DTNA: variants seen among roughly 807,000 people sequenced by gnomAD.
DTNA encodes the protein dystrobrevin alpha.
A neutral mutation model predicts 100.7 loss-of-function variants in DTNA; 43 were observed. That is an observed-to-expected ratio of 0.43 (90% CI 0.33 to 0.55). The LOEUF (loss-of-function observed/expected upper bound fraction) is 0.55. DTNA is among the 20% of genes least tolerant of loss of function. The pLI is 0.04. For missense variants in DTNA, 798 were observed against 953.9 expected, an observed-to-expected ratio of 0.84 and a Z score of 2.15; for synonymous variants, 349 against 347.9, an observed-to-expected ratio of 1.00 and a Z score of -0.04.
intron 15 of DTNA, among the ~76,000 whole-genome samples, chr18:34,852,677 C>T (rs2096495570): frequency 1.3e-5 from 2 of 152,194 alleles, no homozygotes; most frequent in Non-Finnish European, 1.5e-5. Flanking sequence ...GCTCAGCACA[C>T]TCCCACCTCC....
At chr18:34,724,028 ATT>A (rs1314956796) in intron 1 of DTNA, among the ~76,000 whole-genome samples, 3 of 152,214 alleles carry the variant, frequency 2.0e-5, no homozygotes, top group Non-Finnish European at 4.4e-5. Context: ...TAGATATGTT[ATT>A]GTCAGTTTTT....
intron 1 of DTNA, among the ~76,000 whole-genome samples, chr18:34,555,665 T>C (rs1043314971): frequency 6.6e-6 from 1 of 152,212 alleles, no homozygotes; most frequent in African/African-American, 2.4e-5. Context: ...GGTTGTTCAG[T>C]TTCCATGTAG....
chr18:34,536,415 G>T (rs1172765888), intron 1 of DTNA, among the ~76,000 whole-genome samples: 2 of 151,718 alleles, frequency 1.3e-5, no homozygotes, highest in Admixed American at 6.6e-5. Context: ...TCTTATTCCC[G>T]GACCATCAAA....
chr18:34,563,773 A>G (rs2046844353), intron 1 of DTNA, among the ~76,000 whole-genome samples: 3 of 152,302 alleles, frequency 2.0e-5, no homozygotes, highest in Middle Eastern at 3.4e-3. Flanking sequence ...AAATTTAGAG[A>G]CACTAAACTA....
intron 1 of DTNA, among the ~76,000 whole-genome samples, chr18:34,749,786 TG>T: frequency 6.6e-6 from 1 of 152,222 alleles, no homozygotes; most frequent in East Asian, 1.9e-4. Context: ...TGTACTGTCA[TG>T]GGCTCATCTA....
At chr18:34,626,250 A>G (rs2057307965) in intron 1 of DTNA, among the ~76,000 whole-genome samples, 1 of 152,218 alleles carries the variant, frequency 6.6e-6, no homozygotes, top group Admixed American at 6.5e-5. Context: ...GTAAAATCTT[A>G]TAAGTAAGAC....
At chr18:34,583,212 GT>G (rs1290523871) in intron 1 of DTNA, among the ~76,000 whole-genome samples, 1 of 152,188 alleles carries the variant, frequency 6.6e-6, no homozygotes, top group East Asian at 1.9e-4. Context: ...CTAATTGAAT[GT>G]TGTACTTCAC....
At chr18:34,733,309 T>C (rs2088761205) in intron 1 of DTNA, among the ~76,000 whole-genome samples, 1 of 152,230 alleles carries the variant, frequency 6.6e-6, no homozygotes, top group East Asian at 1.9e-4. Context: ...TTCAAATTAG[T>C]CTTCTGTCCA....
At position 34,877,966 on chromosome 18, in the gene DTNA, T is replaced by G. The variant is rs186654627; in HGVS notation, c.1993+158T>G. Among the ~76,000 whole-genome samples the G allele has an allele frequency of 4.2e-3, 645 of 152,226 alleles. 3 individuals carry two copies. Among genetic ancestry groups the G allele is most frequent in the African/African-American group, 0.011 (461 of 41,550 alleles). ...TCTATTCAGATTTGAGGGGTTTTTT[T>G]TTTGTTTGTTTGTTTTTGGTTTTTT... On this transcript the variant is annotated intron_variant, in intron 19 of 22. Transcript: ENST00000444659.
At chr18:34,758,201 C>T (rs1024896673) in intron 2 of DTNA, among the ~76,000 whole-genome samples, 2 of 152,168 alleles carry the variant, frequency 1.3e-5, no homozygotes, top group Non-Finnish European at 2.9e-5. Context: ...AGACTGACAT[C>T]AAGATTCAAA....
intron 1 of DTNA, among the ~76,000 whole-genome samples, chr18:34,738,186 A>C (rs2089998963): frequency 6.6e-6 from 1 of 152,172 alleles, no homozygotes; most frequent in Non-Finnish European, 1.5e-5. Context: ...TTGGACATAC[A>C]AAGCCACTTT....
chr18:34,777,618 A>G (rs1391363886), intron 3 of DTNA, among the ~76,000 whole-genome samples: 1 of 152,174 alleles, frequency 6.6e-6, no homozygotes. Flanking sequence ...GAAACTTACA[A>G]TCATGGCAGA....
intron 1 of DTNA, among the ~76,000 whole-genome samples, chr18:34,508,586 G>A (rs2040727109): frequency 6.6e-6 from 1 of 152,170 alleles, no homozygotes; most frequent in Non-Finnish European, 1.5e-5. Flanking sequence ...TTTTATGATG[G>A]TGCTGAAATA....
intron 2 of DTNA, among the ~76,000 whole-genome samples, chr18:34,762,546 A>C (rs1042791406): frequency 1.3e-5 from 2 of 152,206 alleles, no homozygotes; most frequent in Non-Finnish European, 1.5e-5. Flanking sequence ...ACACATGTAA[A>C]ACTGGGTTAA....
At position 34,790,567 on chromosome 18, in the gene DTNA, A is replaced by ATT. The variant is rs1212453384; in HGVS notation, c.149-3449_149-3448dup. 9.8e-3 allele frequency among the ~76,000 whole-genome samples: 387 copies of ATT among 39,646 alleles called. 7 individuals are homozygous for ATT. Among genetic ancestry groups the ATT allele is most frequent in the South Asian group, 0.031 (22 of 716 alleles). The allele number at this position is 39,646 out of a possible 152,430, so 26.0% of individuals were successfully genotyped here. On this transcript the variant is annotated intron_variant, in intron 3 of 22. Transcript: ENST00000444659. ...CAGCATACTATATATATATATATAT[A>ATT]TTTTTTTTTTTTTTTTTTTTTTGAG...
At chr18:34,738,647 G>A (rs566146839) in intron 1 of DTNA, among the ~76,000 whole-genome samples, 11 of 152,166 alleles carry the variant, frequency 7.2e-5, no homozygotes, top group South Asian at 4.1e-4. Flanking sequence ...CTGCCGTCCC[G>A]ATGTGACAAA....
rs532752770 is a variant in DTNA, at chr18:34,497,236, A to C, written c.-2+3722A>C. On this transcript the variant is annotated intron_variant, in intron 1 of 19. Coordinates refer to the DTNA transcript ENST00000283365. ...TAGAACTTTAATTGATTTATCACACAGTCCCTGAGATTGTCTCAACTACCC... is the reference window on the plus strand; with the variant it reads ...TAGAACTTTAATTGATTTATCACACCGTCCCTGAGATTGTCTCAACTACCC... 6.6e-5 allele frequency among the ~76,000 whole-genome samples: 10 copies of C among 152,336 alleles called. No homozygotes were observed. The East Asian group carries it at 1.9e-3, about 29-fold the overall frequency.
chr18:34,802,150 T>G (rs1210549909), intron 4 of DTNA, among the ~76,000 whole-genome samples: 1 of 152,252 alleles, frequency 6.6e-6, no homozygotes, highest in African/African-American at 2.4e-5. Flanking sequence ...TCTGTGCACT[T>G]CCTGATGCTG....
intron 15 of DTNA, among the ~76,000 whole-genome samples, chr18:34,857,160 G>A (rs553157176): frequency 4.4e-4 from 67 of 152,196 alleles, no homozygotes; most frequent in African/African-American, 1.5e-3. Context: ...AGGATTCCCC[G>A]ATGGAATCAC....
Sources: allele counts gnomAD v4.1 joint callset (sites outside exome capture counted in the v4.1 genomes callset), GRCh38; gene constraint gnomAD v4.1.1; transcripts MANE v1.5; gene names NCBI Gene and HGNC (gene_info 2026-07-23, HGNC 2026-07-21).